ACOXL: variants seen among roughly 807,000 people sequenced by gnomAD.
The protein encoded by ACOXL is acyl-CoA oxidase like.
A neutral mutation model predicts 71.9 loss-of-function variants in ACOXL; 70 were observed. The observed-to-expected ratio is 0.97, with a 90% confidence interval of 0.80 to 1.19. ACOXL has a LOEUF of 1.19. Among genes scored for constraint, ACOXL ranks in the 50% most tolerant of loss-of-function variants. The pLI, the probability that ACOXL is intolerant of heterozygous loss-of-function variation, is 0.00. For synonymous variants in ACOXL, 253 were observed against 281.6 expected (o/e 0.90, Z 1.02); for missense variants, 703 against 736.3 (o/e 0.95, Z 0.52).
At chr2:110,800,690 T>A (rs1476551447) in intron 7 of ACOXL, among the ~76,000 whole-genome samples, 1 of 152,004 alleles carries the variant, frequency 6.6e-6, no homozygotes, top group Non-Finnish European at 1.5e-5. Context: ...CATCCTTTAG[T>A]GGAGGGGACA....
intron 1 of ACOXL, among the ~76,000 whole-genome samples, chr2:110,737,857 C>T (rs1677058423): frequency 1.3e-5 from 2 of 152,250 alleles, no homozygotes; most frequent in African/African-American, 4.8e-5. Flanking sequence ...TTTTCCCAGG[C>T]TTTCTCTTTC....
chr2:110,979,318 T>A (rs1189409246), intron 12 of ACOXL, among the ~76,000 whole-genome samples: 1 of 152,162 alleles, frequency 6.6e-6, no homozygotes, highest in Non-Finnish European at 1.5e-5. Context: ...CAGCGTCCAG[T>A]TCCATTGACA....
chr2:110,816,645 A>G (rs1177651439), intron 9 of ACOXL, among the ~76,000 whole-genome samples: 2 of 152,048 alleles, frequency 1.3e-5, no homozygotes, highest in Non-Finnish European at 2.9e-5. Context: ...GTGTGACTGG[A>G]GTGCTATTCT....
chr2:110,988,905 T>C (rs1029964102), intron 13 of ACOXL, among the ~76,000 whole-genome samples: 2 of 143,940 alleles, frequency 1.4e-5, no homozygotes, highest in East Asian at 2.4e-4. Flanking sequence ...CTTGTTCTTA[T>C]TGATTTTTAA....
intron 10 of ACOXL, among the ~76,000 whole-genome samples, chr2:110,908,138 T>A (rs1431819220): frequency 6.6e-6 from 1 of 152,258 alleles, no homozygotes; most frequent in African/African-American, 2.4e-5. Flanking sequence ...CTGGGGGATT[T>A]GTCCCTGGGC....
At chr2:110,765,299 G>T (rs909795460) in intron 1 of ACOXL, among the ~76,000 whole-genome samples, 2 of 152,122 alleles carry the variant, frequency 1.3e-5, no homozygotes, top group African/African-American at 4.8e-5. Flanking sequence ...TCAGCTTACT[G>T]AACCTGTAGG....
intron 16 of ACOXL, among the ~76,000 whole-genome samples, chr2:111,092,601 C>G (rs564389437): frequency 6.6e-6 from 1 of 152,128 alleles, no homozygotes; most frequent in South Asian, 2.1e-4. Flanking sequence ...GTTAAAATTT[C>G]TTGAGTTTTG....
At position 110,979,514 on chromosome 2, in the gene ACOXL, GT is replaced by G. The variant is rs1330215425; in HGVS notation, c.1060-7591del. Among the ~76,000 whole-genome samples the G allele has an allele frequency of 3.3e-5, 5 of 152,192 alleles. No individual in the cohort carries two copies. In the East Asian group the frequency reaches 9.6e-4, roughly 29 times the overall value. On this transcript the variant is annotated intron_variant, in intron 12 of 17. Transcript: ENST00000439055. ...GCATTTTCTACCTCTTTAGTGAGAAGTTTGGGCCAGAAGTCTGTGTGGGGTG... is the reference window on the plus strand; with the variant it reads ...GCATTTTCTACCTCTTTAGTGAGAAGTTGGGCCAGAAGTCTGTGTGGGGTG...
At position 110,811,727 on chromosome 2, in the gene ACOXL, GCATACACACACACACACACA is replaced by G. The variant is rs1322592880; in HGVS notation, c.753+6335_753+6354del. Among the ~76,000 whole-genome samples, 149 of 29,336 alleles carry G rather than the reference GCATACACACACACACACACA, an allele frequency of 5.1e-3. 2 individuals are homozygous for G. Among genetic ancestry groups the G allele is most frequent in the African/African-American group, 0.012 (126 of 10,486 alleles). The allele number at this position is 29,336 out of a possible 152,430, so 19.2% of individuals were successfully genotyped here. A position where few individuals can be genotyped will look rare whatever the true frequency, so the allele number is the denominator to read the frequency against. Reference sequence around the variant, plus strand: ...TGACGTTATCCTTTTTGTTTTTTTTGCATACACACACACACACACACACACACACACACACACACACACAC... The same window carrying G: ...TGACGTTATCCTTTTTGTTTTTTTTGCACACACACACACACACACACACAC... On this transcript the variant is annotated intron_variant, in intron 9 of 17. Coordinates refer to ENST00000439055, the MANE Select transcript of ACOXL (RefSeq NM_001142807.4).
intron 14 of ACOXL, among the ~76,000 whole-genome samples, chr2:111,003,579 A>AAAAAAAAAAAT (rs1292631397): frequency 1.4e-5 from 2 of 146,772 alleles, no homozygotes; most frequent in Non-Finnish European, 3.0e-5. Context: ...AAAAAAAAAA[A>AAAAAAAAAAAT]GAATCACAGA....
At chr2:110,944,403 A>G (rs1114414) in intron 12 of ACOXL, among the ~76,000 whole-genome samples, 42,197 of 151,590 alleles carry the variant, frequency 0.28, 6,646 homozygotes, top group Non-Finnish European at 0.35. Flanking sequence ...GGTTTGTCAT[A>G]TAGGTTATTT....
intron 12 of ACOXL, among the ~76,000 whole-genome samples, chr2:110,986,344 A>G (rs1226659175): frequency 6.6e-6 from 1 of 152,220 alleles, no homozygotes; most frequent in Non-Finnish European, 1.5e-5. Flanking sequence ...GTAACAAACC[A>G]CCGCAAAACT....
intron 15 of ACOXL, among the ~76,000 whole-genome samples, chr2:111,032,683 C>T (rs1463834219): frequency 2.0e-5 from 3 of 152,118 alleles, no homozygotes; most frequent in Non-Finnish European, 2.9e-5. Flanking sequence ...ATCTGGGGCA[C>T]TATCTCATGG....
chr2:110,848,670 T>A (rs1369088940), intron 10 of ACOXL, among the ~76,000 whole-genome samples: 2 of 152,198 alleles, frequency 1.3e-5, no homozygotes, highest in Non-Finnish European at 2.9e-5. Flanking sequence ...GTCCCCTGTC[T>A]CCTTTGGGTT....
At chr2:110,877,237 G>A (rs867162144) in intron 10 of ACOXL, among the ~76,000 whole-genome samples, 4 of 152,246 alleles carry the variant, frequency 2.6e-5, no homozygotes, top group African/African-American at 9.6e-5. Flanking sequence ...CGTGCTGGCT[G>A]CCTGGGAGCT....
rs1203953125 is a variant in ACOXL, at chr2:110,912,092, C to T, written c.905+3187C>T. Among the ~76,000 whole-genome samples, 8 of 151,810 alleles carry T rather than the reference C, an allele frequency of 5.3e-5. No individual in the cohort carries two copies. In the East Asian group the frequency reaches 1.3e-3, roughly 26 times the overall value. On this transcript the variant is annotated intron_variant, in intron 11 of 17. Transcript: ENST00000439055. ...TCCAAAAATCAAAAAGAATAAAATA[C>T]TTAAGGATAAATTTAACAAAGAAGT...
At chr2:111,042,234 G>A (rs749547012) in intron 15 of ACOXL, among the ~76,000 whole-genome samples, 1 of 152,252 alleles carries the variant, frequency 6.6e-6, no homozygotes, top group Non-Finnish European at 1.5e-5. Flanking sequence ...TCTTAGTATA[G>A]ACTCACTTAG....
chr2:111,075,059 A>G (rs2067529198), intron 16 of ACOXL, among the ~76,000 whole-genome samples: 1 of 152,062 alleles, frequency 6.6e-6, no homozygotes, highest in African/African-American at 2.4e-5. Flanking sequence ...TTCTTCCTGT[A>G]CGATCTTTGC....
chr2:110,897,312 T>C (rs983907275), intron 10 of ACOXL, among the ~76,000 whole-genome samples: 5 of 152,184 alleles, frequency 3.3e-5, no homozygotes, highest in African/African-American at 4.8e-5. Flanking sequence ...ATATCTAAGC[T>C]CTCACTTAAA....
Sources: allele counts gnomAD v4.1 joint callset (sites outside exome capture counted in the v4.1 genomes callset), GRCh38; gene constraint gnomAD v4.1.1; transcripts MANE v1.5; gene names NCBI Gene and HGNC (gene_info 2026-07-23, HGNC 2026-07-21).